Variants in HOXD13 observed in about 807,000 individuals in gnomAD.
HOXD13 encodes homeobox protein Hox-D13.
A neutral mutation model predicts 27.3 loss-of-function variants in HOXD13; 16 were observed. The observed-to-expected ratio is 0.59, with a 90% confidence interval of 0.40 to 0.89. The LOEUF is 0.89. Ranked by LOEUF, HOXD13 falls within the 40% of genes least tolerant of loss-of-function variation. HOXD13 has a pLI of 0.00. For synonymous variants in HOXD13, 241 were observed against 219.0 expected (o/e 1.10, Z -0.89); for missense variants, 481 against 482.6 (o/e 1.00, Z 0.03).
chr2:176,088,519 G>A (rs193176537), upstream of HOXD13, among the ~76,000 whole-genome samples: 45 of 152,106 alleles, frequency 3.0e-4, no homozygotes, highest in Middle Eastern at 3.4e-3. Context: ...GCCGGGCCGG[G>A]AAGTGGAGCC....
Position 176,095,134 on chromosome 2 carries a change from T to C in HOXD13, c.*404T>C, listed in dbSNP as rs1689394025. 3.1e-6 allele frequency: 1 copy of C among 318,166 alleles called. No individual in the cohort carries two copies. The highest frequency in any genetic ancestry group is 2.1e-5 in the African/African-American group (1 of 46,800). 19.7% of individuals were successfully genotyped at this position (318,166 alleles called of 1,614,324 possible). On this transcript the variant is annotated 3_prime_UTR_variant, in exon 2 of 2. Coordinates refer to ENST00000392539, the MANE Select transcript of HOXD13 (RefSeq NM_000523.4). ...TCATTCCCAGCACTGATTATCTTCA[T>C]AATCCATTAGGACAGAATGGTTTTC...
rs1186658218 is a variant in HOXD13 at position 176,094,634 on chromosome 2, T to C, written c.936T>C (p.Ala312=). ...NKDKRRRISA[A]TNLSERQVTI... is the part of the protein sequence containing the mutation. ...ACAAGCGGCGGCGTATCTCGGCTGC[T>C]ACGAACCTATCTGAGAGACAAGTGA... Residue 312 remains alanine (A), a synonymous_variant, in exon 2 of 2, where the codon GCT becomes GCC. Coordinates refer to ENST00000392539, the MANE Select transcript of HOXD13 (RefSeq NM_000523.4). 6.2e-7 allele frequency: 1 copy of C among 1,614,044 alleles called. No homozygotes were observed. The highest frequency in any genetic ancestry group is 1.1e-5 in the South Asian group (1 of 91,082).
At position 176,094,613 on chromosome 2, in the gene HOXD13, G is replaced by A; in HGVS notation, c.915G>A (p.Lys305=). 1.2e-6 allele frequency: 2 copies of A among 1,614,152 alleles called. No individual in the cohort carries two copies. Among genetic ancestry groups the A allele is most frequent in the Non-Finnish European group, 8.5e-7 (1 of 1,180,010 alleles). Residue 305 remains lysine (K), a synonymous_variant, in exon 2 of 2, where the codon AAG becomes AAA. Coordinates refer to ENST00000392539, the MANE Select transcript of HOXD13 (RefSeq NM_000523.4). ...TTAACAAATTCATTAACAAGGACAAGCGGCGGCGTATCTCGGCTGCTACGA... is the reference window on the plus strand; with the variant it reads ...TTAACAAATTCATTAACAAGGACAAACGGCGGCGTATCTCGGCTGCTACGA... ...YAINKFINKD[K]RRRISAATNL... is the part of the protein sequence containing the mutation.
In HOXD13 at chr2:176,095,702, G is replaced by A. The variant is rs1689401966; in HGVS notation, c.*972G>A. On this transcript the variant is annotated 3_prime_UTR_variant, in exon 2 of 2. Coordinates refer to ENST00000392539, the MANE Select transcript of HOXD13 (RefSeq NM_000523.4). ...AAACAAGGGGGCCTCGCATGGAGCT[G>A]TAAAGCATCTAACAAATATGAAAAA... 8.8e-6 allele frequency: 2 copies of A among 226,020 alleles called. No homozygotes were observed. The highest frequency in any genetic ancestry group is 1.3e-4 in the East Asian group (2 of 15,578). The allele number at this position is 226,020 out of a possible 1,614,324, so 14.0% of individuals were successfully genotyped here.
At chr2:176,092,518 GGGGTGGGGGCCGGAGT>G (rs1462934756), upstream of HOXD13, among the ~76,000 whole-genome samples, 1 of 151,288 alleles carries the variant, frequency 6.6e-6, no homozygotes, top group East Asian at 2.0e-4. Context: ...GGGCAGGAGA[GGGGTGGGGGCCGGAGT>G]GGGTGGGTCC....
rs536639583 is a variant in HOXD13, at chr2:176,092,922, G to T, written c.32G>T (p.Gly11Val). 2 of 1,329,566 alleles carry T rather than the reference G, an allele frequency of 1.5e-6. No individual in the cohort carries two copies. The highest frequency in any genetic ancestry group is 1.9e-6 in the Non-Finnish European group (2 of 1,043,426). The allele number at this position is 1,329,566 out of a possible 1,614,324, so 82.4% of individuals were successfully genotyped here. A position where few individuals can be genotyped will look rare whatever the true frequency, so the allele number is the denominator to read the frequency against. The change falls in exon 1 of 2, where the codon GGG (glycine) becomes GTG (valine). Residue 11 changes from glycine (G) to valine (V), a missense_variant. Coordinates refer to ENST00000392539, the MANE Select transcript of HOXD13 (RefSeq NM_000523.4). ...CGCGCCGGGAGCTGGGACATGGACG[G>T]GCTGCGGGCAGACGGCGGGGGCGCC... MSRAGSWDMD[G>V]LRADGGGAGG...
rs1283431693 is a variant in HOXD13 at position 176,095,538 on chromosome 2, T to G, written c.*808T>G. 3 of 228,918 alleles carry G rather than the reference T, an allele frequency of 1.3e-5. No individual in the cohort carries two copies. The highest frequency in any genetic ancestry group is 2.6e-5 in the Non-Finnish European group (3 of 115,252). 14.2% of individuals were successfully genotyped at this position (228,918 alleles called of 1,614,324 possible). A position where few individuals can be genotyped will look rare whatever the true frequency, so the allele number is the denominator to read the frequency against. ...TCAGTAGAGTGACCCGCGGATGGCA[T>G]AAATGCACCTCCTTTTCTTGGCCTT... On this transcript the variant is annotated 3_prime_UTR_variant, in exon 2 of 2. Coordinates refer to ENST00000392539, the MANE Select transcript of HOXD13 (RefSeq NM_000523.4).
At chr2:176,090,979 C>T (rs1281502067), upstream of HOXD13, among the ~76,000 whole-genome samples, 1 of 152,210 alleles carries the variant, frequency 6.6e-6, no homozygotes, top group East Asian at 1.9e-4. Context: ...CCTATGATTT[C>T]CTGTAAATTC....
Position 176,092,867 on chromosome 2 carries a change from G to C in HOXD13, c.-24G>C. On this transcript the variant is annotated 5_prime_UTR_variant, in exon 1 of 2. Transcript: ENST00000392539. ...TGTCCTGCGCGGGGCCAGGGCCAGG[G>C]CCGGGGCCGGGCCAGGCCGGGCCAT... 1 of 1,219,910 alleles carries C rather than the reference G, an allele frequency of 8.2e-7. No individual in the cohort carries two copies. Among genetic ancestry groups the C allele is most frequent in the South Asian group, 3.7e-5 (1 of 27,328 alleles). 75.6% of individuals were successfully genotyped at this position (1,219,910 alleles called of 1,614,324 possible).
rs762569134 is a variant in HOXD13, at chr2:176,093,379, C to T, written c.489C>T (p.Pro163=). Residue 163 remains proline, a synonymous_variant, in exon 1 of 2, where the codon CCC becomes CCT. Coordinates refer to ENST00000392539, the MANE Select transcript of HOXD13 (RefSeq NM_000523.4). Reference sequence around the variant, plus strand: ...CGCACGCCTCGCTGGGAGGCTTTCCCGTGGAGAAGTACATGGACGTGTCAG... The same window carrying T: ...CGCACGCCTCGCTGGGAGGCTTTCCTGTGGAGAAGTACATGGACGTGTCAG... ...SSPHASLGGF[P]VEKYMDVSGL... The T allele has an allele frequency of 6.2e-7, 1 of 1,613,954 alleles. No individual in the cohort carries two copies. The highest frequency in any genetic ancestry group is 8.5e-7 in the Non-Finnish European group (1 of 1,180,040).
rs1689381241 is a variant in HOXD13 at position 176,094,449 on chromosome 2, C to T, written c.782-31C>T. 8 of 1,612,930 alleles carry T rather than the reference C, an allele frequency of 5.0e-6. No homozygotes were observed. The East Asian group carries it at 1.6e-4, about 31-fold the overall frequency. On this transcript the variant is annotated intron_variant, in intron 1 of 1. Transcript: ENST00000392539. ...AGCTAGGTGCTCCGAATATCCCAGC[C>T]TAATTTTTCTTGTGCTTTTGTTTGT...
Position 176,095,543 on chromosome 2 carries a change from G to T in HOXD13, c.*813G>T, listed in dbSNP as rs1051703598. ...AGAGTGACCCGCGGATGGCATAAATGCACCTCCTTTTCTTGGCCTTGGATC... is the reference window on the plus strand; with the variant it reads ...AGAGTGACCCGCGGATGGCATAAATTCACCTCCTTTTCTTGGCCTTGGATC... On this transcript the variant is annotated 3_prime_UTR_variant, in exon 2 of 2. Transcript: ENST00000392539. 4.4e-6 allele frequency: 1 copy of T among 228,910 alleles called. No homozygotes were observed. The highest frequency in any genetic ancestry group is 8.7e-6 in the Non-Finnish European group (1 of 115,212). 14.2% of individuals were successfully genotyped at this position (228,910 alleles called of 1,614,324 possible).
chr2:176,091,122 C>A (rs972902534), upstream of HOXD13, among the ~76,000 whole-genome samples: 2 of 152,176 alleles, frequency 1.3e-5, no homozygotes, highest in Non-Finnish European at 2.9e-5. Flanking sequence ...ATGGTTACTG[C>A]GTTTTGCATG....
rs371806521 is a variant in HOXD13, at chr2:176,093,364, G to C, written c.474G>C (p.Ser158=). 2.1e-5 allele frequency: 34 copies of C among 1,613,724 alleles called. No homozygotes were observed. The highest frequency in any genetic ancestry group is 2.8e-5 in the Non-Finnish European group (33 of 1,180,034). Residue 158 remains serine (S), a synonymous_variant, in exon 1 of 2, where the codon TCG becomes TCC. Coordinates refer to ENST00000392539, the MANE Select transcript of HOXD13 (RefSeq NM_000523.4). ...QNALKSSPHA[S]LGGFPVEKYM... is the part of the protein sequence containing the mutation. Reference sequence around the variant, plus strand: ...CGCTCAAGTCATCGCCGCACGCCTCGCTGGGAGGCTTTCCCGTGGAGAAGT... The same window carrying C: ...CGCTCAAGTCATCGCCGCACGCCTCCCTGGGAGGCTTTCCCGTGGAGAAGT...
At position 176,093,425 on chromosome 2, in the gene HOXD13, C is replaced by A. The variant is rs1479573533; in HGVS notation, c.535C>A (p.Pro179Thr). ...GTCAGGCCTGGCGAGCAGCAGCGTA[C>A]CGGCCAACGAGGTGCCAGCGCGAGC... is the stretch of plus-strand genomic sequence containing the variant. ...DVSGLASSSV[P>T]ANEVPARAKE... The change falls in exon 1 of 2, where the codon CCG becomes ACG. Residue 179 changes from proline (P) to threonine (T), a missense_variant. Pro to Thr is a conservative substitution (Grantham distance 38). Coordinates refer to ENST00000392539, the MANE Select transcript of HOXD13 (RefSeq NM_000523.4). 1 of 1,614,004 alleles carries A rather than the reference C, an allele frequency of 6.2e-7. No individual in the cohort carries two copies. Among genetic ancestry groups the A allele is most frequent in the Admixed American group, 1.7e-5 (1 of 60,030 alleles).
chr2:176,093,861 G>T (rs754281413), intron 1 of HOXD13, among the ~76,000 whole-genome samples, 190 bp downstream of exon 1: 1 of 152,194 alleles, frequency 6.6e-6, no homozygotes, highest in Non-Finnish European at 1.5e-5. Flanking sequence ...GATTTCAACT[G>T]CCTCCGTCAC....
In HOXD13 at chr2:176,093,382, G is replaced by T. The variant is rs777264698; in HGVS notation, c.492G>T (p.Val164=). Residue 164 remains valine (V), a synonymous_variant, in exon 1 of 2, where the codon GTG becomes GTT. Coordinates refer to ENST00000392539, the MANE Select transcript of HOXD13 (RefSeq NM_000523.4). The part of the protein sequence containing the change: ...SPHASLGGFP[V]EKYMDVSGLA... ...ACGCCTCGCTGGGAGGCTTTCCCGTGGAGAAGTACATGGACGTGTCAGGCC... is the reference window on the plus strand; with the variant it reads ...ACGCCTCGCTGGGAGGCTTTCCCGTTGAGAAGTACATGGACGTGTCAGGCC... 1 of 1,614,002 alleles carries T rather than the reference G, an allele frequency of 6.2e-7. No individual in the cohort carries two copies. Among genetic ancestry groups the T allele is most frequent in the Non-Finnish European group, 8.5e-7 (1 of 1,180,042 alleles).
In HOXD13 at chr2:176,093,371, G is replaced by T. The variant is rs1486507860; in HGVS notation, c.481G>T (p.Gly161Cys). The T allele has an allele frequency of 1.2e-6, 2 of 1,613,818 alleles. No individual in the cohort carries two copies. The highest frequency in any genetic ancestry group is 8.5e-7 in the Non-Finnish European group (1 of 1,180,046). The stretch of plus-strand genomic sequence containing the variant: ...GTCATCGCCGCACGCCTCGCTGGGA[G>T]GCTTTCCCGTGGAGAAGTACATGGA... ...LKSSPHASLG[G>C]FPVEKYMDVS... The change falls in exon 1 of 2, where the codon GGC (glycine) becomes TGC (cysteine). Residue 161 changes from glycine to cysteine, a missense_variant. Coordinates refer to ENST00000392539, the MANE Select transcript of HOXD13 (RefSeq NM_000523.4).
chr2:176,093,159 C>G lies in HOXD13; in HGVS notation c.269C>G (p.Ser90Cys), dbSNP rs2105378425. The part of the protein sequence containing the change: ...SERTGSSSSS[S>C]SSAVVAARPE... ...CGCACGGGCTCTTCCTCGTCGTCGT[C>G]CTCTTCTGCCGTTGTAGCGGCGCGC... is the stretch of plus-strand genomic sequence containing the variant. The change falls in exon 1 of 2, where the codon TCC becomes TGC. Residue 90 changes from serine to cysteine, a missense_variant. Coordinates refer to ENST00000392539, the MANE Select transcript of HOXD13 (RefSeq NM_000523.4). The G allele has an allele frequency of 6.2e-7, 1 of 1,607,782 alleles. No individual in the cohort carries two copies. Among genetic ancestry groups the G allele is most frequent in the Non-Finnish European group, 8.5e-7 (1 of 1,179,482 alleles).
Sources: allele counts gnomAD v4.1 joint callset (sites outside exome capture counted in the v4.1 genomes callset), GRCh38; gene constraint gnomAD v4.1.1; transcripts MANE v1.5; gene names NCBI Gene and HGNC (gene_info 2026-07-23, HGNC 2026-07-21).